The following GNAI3 variants were observed in gnomAD, a reference collection of about 807,000 sequenced individuals.
GNAI3 encodes the protein G protein subunit alpha i3, also known as guanine nucleotide-binding protein G(i) subunit alpha-3.
Under a neutral mutation model 41.8 loss-of-function variants are expected in GNAI3, and 12 were observed. The observed-to-expected ratio is 0.29, with a 90% CI of 0.18 to 0.47. The LOEUF is 0.47. GNAI3 is among the 20% of genes least tolerant of loss of function. GNAI3 has a pLI of 1.00. For missense variants in GNAI3, 360 were observed against 429.6 expected (o/e 0.84, Z 1.43); for synonymous variants, 132 against 146.5 (o/e 0.90, Z 0.71).
At position 109,592,124 on chromosome 1, in the gene GNAI3, T is replaced by C; in HGVS notation, c.956T>C (p.Ile319Thr). 3 of 1,611,726 alleles carry C rather than the reference T, an allele frequency of 1.9e-6. No individual in the cohort carries two copies. The highest frequency in any genetic ancestry group is 2.5e-6 in the Non-Finnish European group (3 of 1,177,832). The change falls in exon 8 of 9, where the codon ATC becomes ACC. Residue 319 changes from isoleucine to threonine, a missense_variant. By Grantham distance (89) the Ile-to-Thr change is moderately conservative. Transcript: ENST00000369851. The stretch of plus-strand genomic sequence containing the variant: ...AACAGAAGAAAAGATACCAAGGAGA[T>C]CTATACTCACTTCACCTGTGCCACA... ...DLNRRKDTKEIYTHFTCATDT... is the reference protein window; with the variant it reads ...DLNRRKDTKETYTHFTCATDT...
chr1:109,567,740 A>G (rs575603531), intron 1 of GNAI3, among the ~76,000 whole-genome samples: 1 of 152,332 alleles, frequency 6.6e-6, no homozygotes, highest in South Asian at 2.1e-4. Context: ...ACTTGGTGAT[A>G]TTCTCAACAT....
At chr1:109,553,551 A>G (rs1273321098) in intron 1 of GNAI3, among the ~76,000 whole-genome samples, 3 of 152,164 alleles carry the variant, frequency 2.0e-5, no homozygotes, top group South Asian at 2.1e-4. Flanking sequence ...ATATCCTCCT[A>G]TGGGATTATA....
At position 109,586,824 on chromosome 1, in the gene GNAI3, C is replaced by A. The variant is rs1469148447; in HGVS notation, c.816C>A (p.Asp272Glu). 3.8e-6 allele frequency: 6 copies of A among 1,592,932 alleles called. No homozygotes were observed. The highest frequency in any genetic ancestry group is 1.7e-6 in the Non-Finnish European group (2 of 1,161,128). Residue 272 changes from aspartate (D) to glutamate (E), a missense_variant, in exon 7 of 9, where the codon GAC becomes GAA. By Grantham distance (45) the Asp-to-Glu change is conservative (BLOSUM62 2). Transcript: ENST00000369851. ...TSIILFLNKK[D>E]LFEEKIKRSP... ...TCATTCTCTTCCTTAACAAGAAAGACCTTTTTGAGGAAAAAATAAAGAGGA... is the reference window on the plus strand; with the variant it reads ...TCATTCTCTTCCTTAACAAGAAAGAACTTTTTGAGGAAAAAATAAAGAGGA...
At chr1:109,576,250 G>T (rs1339297893) in intron 3 of GNAI3, among the ~76,000 whole-genome samples, 1 of 151,802 alleles carries the variant, frequency 6.6e-6, no homozygotes, top group East Asian at 2.0e-4. Context: ...TGTATTTTTA[G>T]TAGAGATGGG....
chr1:109,581,411 A>G (rs1159950602), intron 4 of GNAI3, among the ~76,000 whole-genome samples: 1 of 152,174 alleles, frequency 6.6e-6, no homozygotes, highest in African/African-American at 2.4e-5. Context: ...CAAATGGTTA[A>G]ACACGCATGA....
Position 109,592,412 on chromosome 1 carries a change from C to T in GNAI3, c.*90C>T, listed in dbSNP as rs1317774258. On this transcript the variant is annotated 3_prime_UTR_variant, in exon 9 of 9. Coordinates refer to ENST00000369851, the MANE Select transcript of GNAI3 (RefSeq NM_006496.4). ...CTCATGGGGCAGCTACAAGCATGAA[C>T]GGGACCAGGGAATGGCAGCAGCATG... The T allele has an allele frequency of 8.2e-6, 4 of 489,080 alleles. No homozygotes were observed. The highest frequency in any genetic ancestry group is 6.4e-5 in the Admixed American group (2 of 31,014). The allele number at this position is 489,080 out of a possible 1,614,324, so 30.3% of individuals were successfully genotyped here.
chr1:109,576,595 C>T (rs563432059), intron 3 of GNAI3, among the ~76,000 whole-genome samples: 23 of 150,862 alleles, frequency 1.5e-4, no homozygotes, highest in Admixed American at 1.3e-3. Flanking sequence ...CTTGGCTCAC[C>T]GCAACCTCTG....
chr1:109,579,494 T>A, intron 4 of GNAI3, 133 bp downstream of exon 4: 1 of 553,668 alleles, frequency 1.8e-6, no homozygotes, highest in East Asian at 3.2e-5. Flanking sequence ...ATAAAAATTG[T>A]CTAAGTTTAG....
intron 1 of GNAI3, among the ~76,000 whole-genome samples, chr1:109,552,163 C>CAA (rs139490303): frequency 4.5e-5 from 5 of 111,530 alleles, no homozygotes; most frequent in Admixed American, 9.2e-5. Context: ...CTCTTTGTCT[C>CAA]AAAAAAAAAA....
chr1:109,570,077 C>T (rs898264371), intron 1 of GNAI3, among the ~76,000 whole-genome samples: 1 of 152,006 alleles, frequency 6.6e-6, no homozygotes, highest in African/African-American at 2.4e-5. Context: ...GTATTTTCTT[C>T]CCAGAGTAGA....
chr1:109,557,580 G>T (rs1008480993), intron 1 of GNAI3, among the ~76,000 whole-genome samples: 1 of 152,186 alleles, frequency 6.6e-6, no homozygotes, highest in African/African-American at 2.4e-5. Context: ...CAGGTAGGTT[G>T]TATGTACATG....
At chr1:109,589,244 C>T (rs1288305968) in intron 7 of GNAI3, among the ~76,000 whole-genome samples, 1 of 151,988 alleles carries the variant, frequency 6.6e-6, no homozygotes, top group East Asian at 1.9e-4. Context: ...GATATCATAA[C>T]CAAAAGGAGA....
chr1:109,571,359 A>G (rs551999348), intron 1 of GNAI3, among the ~76,000 whole-genome samples: 37 of 152,362 alleles, frequency 2.4e-4, no homozygotes, highest in Middle Eastern at 3.4e-3. Flanking sequence ...AATCATTAGT[A>G]TAGAGACAGT....
rs1570557706 is a variant in GNAI3, at chr1:109,597,641, A to G, written c.*5319A>G. 1 of 152,076 alleles carries G rather than the reference A, an allele frequency of 6.6e-6. No homozygotes were observed. The highest frequency in any genetic ancestry group is 1.9e-4 in the East Asian group (1 of 5,188). 9.4% of individuals were successfully genotyped at this position (152,076 alleles called of 1,614,324 possible). On this transcript the variant is annotated 3_prime_UTR_variant, in exon 9 of 9. Coordinates refer to ENST00000369851, the MANE Select transcript of GNAI3 (RefSeq NM_006496.4). The stretch of plus-strand genomic sequence containing the variant: ...AACTGTTGGGTCACATAACATTCCT[A>G]CACTTTGGATACAGAGTATTTAGTT...
At chr1:109,586,931 C>A in intron 7 of GNAI3, 49 bp downstream of exon 7, 7 of 1,245,090 alleles carry the variant, frequency 5.6e-6, no homozygotes, top group Admixed American at 2.0e-5. Context: ...TTACTTAGAT[C>A]AACACTTTGG....
intron 5 of GNAI3, among the ~76,000 whole-genome samples, chr1:109,585,670 A>G (rs971319292): frequency 6.6e-6 from 1 of 152,130 alleles, no homozygotes; most frequent in Admixed American, 6.5e-5. Flanking sequence ...TCAGATCCCC[A>G]GTCCCTGTTT....
intron 1 of GNAI3, among the ~76,000 whole-genome samples, chr1:109,550,596 C>T (rs1647957875): frequency 6.6e-6 from 1 of 151,636 alleles, no homozygotes; most frequent in Admixed American, 6.6e-5. Context: ...TGCAGTGGCG[C>T]GATCTCGTCT....
At chr1:109,555,672 T>C (rs1370880843) in intron 1 of GNAI3, among the ~76,000 whole-genome samples, 1 of 152,182 alleles carries the variant, frequency 6.6e-6, no homozygotes, top group Non-Finnish European at 1.5e-5. Context: ...AAAAATAATT[T>C]TTAGCATACT....
In GNAI3 at chr1:109,586,885, A is replaced by G. The variant is rs1649044632; in HGVS notation, c.874+3A>G. ...TATCTGTTATCCAGAATACACAGGT[A>G]AGGGGTTATGAAAGATTTTATTGGA... On this transcript the variant is annotated splice_donor_region_variant and intron_variant, in intron 7 of 8. Transcript: ENST00000369851. 1 of 1,590,298 alleles carries G rather than the reference A, an allele frequency of 6.3e-7. No individual in the cohort carries two copies. Among genetic ancestry groups the G allele is most frequent in the South Asian group, 1.1e-5 (1 of 90,162 alleles).
Sources: allele counts gnomAD v4.1 joint callset (sites outside exome capture counted in the v4.1 genomes callset), GRCh38; gene constraint gnomAD v4.1.1; transcripts MANE v1.5; gene names NCBI Gene and HGNC (gene_info 2026-07-23, HGNC 2026-07-21).